EFCAB5: variants seen among roughly 807,000 people sequenced by gnomAD.
EFCAB5 encodes the protein EF-hand calcium-binding domain-containing protein 5.
In EFCAB5, 131 loss-of-function variants were observed where a neutral mutation model predicts 167.9. That is an observed-to-expected ratio of 0.78 (90% CI 0.68 to 0.90). The LOEUF (loss-of-function observed/expected upper bound fraction) is 0.90. Ranked by LOEUF, EFCAB5 falls within the 40% of genes least tolerant of loss-of-function variation. The probability of loss-of-function intolerance (pLI) is 0.00; values close to 1 mark genes in which losing one functional copy is unlikely to be tolerated. For synonymous variants in EFCAB5, 574 were observed against 602.8 expected, an observed-to-expected ratio of 0.95 and a Z score of 0.70; for missense variants, 1,663 against 1,745.2, an observed-to-expected ratio of 0.95 and a Z score of 0.84.
chr17:30,094,507 CAAA>C (rs57885339), intron 22 of EFCAB5, among the ~76,000 whole-genome samples: 4,694 of 40,438 alleles, frequency 0.12, 162 homozygotes, highest in African/African-American at 0.2. Context: ...CTTGTCTCTC[CAAA>C]AAAAAAAAAA....
intron 8 of EFCAB5, among the ~76,000 whole-genome samples, chr17:30,043,977 C>G (rs901855537): frequency 6.6e-6 from 1 of 151,888 alleles, no homozygotes; most frequent in Admixed American, 6.6e-5. Context: ...TTGAAAGATA[C>G]TAGTAAAAGA....
chr17:29,969,236 T>C lies in EFCAB5; in HGVS notation c.636T>C (p.Asn212=). The C allele has an allele frequency of 6.2e-7, 1 of 1,613,822 alleles. No homozygotes were observed. The highest frequency in any genetic ancestry group is 1.1e-5 in the South Asian group (1 of 91,072). The stretch of plus-strand genomic sequence containing the variant: ...CTCCAAGCAAGTTTGACCCAATTAA[T>C]TATTTGGGGGAATATTTAATAAGAA... ...ADTPSKFDPI[N]YLGEYLIRNN... The change falls in exon 4 of 23, where the codon AAT becomes AAC. Residue 212 remains asparagine (N), a synonymous_variant. Transcript: ENST00000394835.
At chr17:30,103,105 T>C (rs2071402598) in intron 22 of EFCAB5, among the ~76,000 whole-genome samples, 1 of 152,004 alleles carries the variant, frequency 6.6e-6, no homozygotes, top group Non-Finnish European at 1.5e-5. Flanking sequence ...GTGTTGAGAT[T>C]ACATGCGTGA....
At chr17:29,950,377 T>C (rs368573593) in intron 3 of EFCAB5, among the ~76,000 whole-genome samples, 14 of 151,756 alleles carry the variant, frequency 9.2e-5, no homozygotes, top group Middle Eastern at 3.4e-3. Flanking sequence ...TCTTTCTTTT[T>C]TAAAAAAATA....
rs1305469412 is a variant in EFCAB5 at position 29,941,701 on chromosome 17, CT to C, written c.-93del. The stretch of plus-strand genomic sequence containing the variant: ...GGGAGCTTTTTTAACTTCTGGAGTA[CT>C]TTGTGATGTTTATTAATATTTTCTT... On this transcript the variant is annotated 5_prime_UTR_variant, in exon 1 of 23. Transcript: ENST00000394835. The C allele has an allele frequency of 1.8e-6, 2 of 1,138,922 alleles. No homozygotes were observed. Among genetic ancestry groups the C allele is most frequent in the Non-Finnish European group, 2.5e-6 (2 of 791,690 alleles). The allele number at this position is 1,138,922 out of a possible 1,614,324, so 70.6% of individuals were successfully genotyped here.
At chr17:29,966,494 G>T (rs144321238) in intron 3 of EFCAB5, among the ~76,000 whole-genome samples, 1 of 152,044 alleles carries the variant, frequency 6.6e-6, no homozygotes, top group Non-Finnish European at 1.5e-5. Flanking sequence ...ACAAAAATTC[G>T]CTGGGCATGG....
chr17:30,003,501 G>A (rs929017066), intron 7 of EFCAB5, among the ~76,000 whole-genome samples: 1 of 151,692 alleles, frequency 6.6e-6, no homozygotes, highest in Non-Finnish European at 1.5e-5. Flanking sequence ...CCGAAGTGCT[G>A]GGATTATAGG....
chr17:30,069,181 A>G (rs1411043661), intron 14 of EFCAB5: 2 of 1,548,022 alleles, frequency 1.3e-6, no homozygotes, highest in East Asian at 2.2e-5. Flanking sequence ...ATCTTCTGAG[A>G]AAGTTTCACA....
rs2071311995 is a variant in EFCAB5, at chr17:30,097,057, TATA to T, written c.4321+4122_4321+4124del. 3.6e-3 allele frequency among the ~76,000 whole-genome samples: 223 copies of T among 61,934 alleles called. 1 individual carries two copies. The highest frequency in any genetic ancestry group is 5.3e-3 in the Non-Finnish European group (187 of 35,486). The allele number at this position is 61,934 out of a possible 152,430, so 40.6% of individuals were successfully genotyped here. ...ATATACATATACATATACATATATATATATTTTTTTTTTTTTGAGATGGAGTTT... is the reference window on the plus strand; with the variant it reads ...ATATACATATACATATACATATATATTTTTTTTTTTTTTGAGATGGAGTTT... On this transcript the variant is annotated intron_variant, in intron 22 of 22. Transcript: ENST00000394835.
At chr17:30,034,081 C>A in intron 7 of EFCAB5, 149 bp from the exon 8 acceptor site, 2 of 895,440 alleles carry the variant, frequency 2.2e-6, no homozygotes, top group Non-Finnish European at 3.3e-6. Flanking sequence ...CAGCAGCTAG[C>A]ATGAAAATGC....
At chr17:29,963,023 C>T (rs983199642) in intron 3 of EFCAB5, among the ~76,000 whole-genome samples, 9 of 152,112 alleles carry the variant, frequency 5.9e-5, no homozygotes, top group East Asian at 3.8e-4. Flanking sequence ...CTCACTGAAG[C>T]CTCAAACTCC....
intron 3 of EFCAB5, among the ~76,000 whole-genome samples, chr17:29,951,824 A>T (rs2067518989): frequency 6.6e-6 from 1 of 152,182 alleles, no homozygotes; most frequent in South Asian, 2.1e-4. Context: ...TGGGACCCTG[A>T]GAAGCATAGT....
At chr17:29,953,023 G>A (rs935719266) in intron 3 of EFCAB5, among the ~76,000 whole-genome samples, 10 of 152,052 alleles carry the variant, frequency 6.6e-5, no homozygotes, top group African/African-American at 1.5e-4. Context: ...TAAAAATAGC[G>A]AGTTTACCTG....
chr17:30,052,276 C>T (rs1323077202), intron 9 of EFCAB5, among the ~76,000 whole-genome samples: 1 of 152,190 alleles, frequency 6.6e-6, no homozygotes, highest in East Asian at 1.9e-4. Flanking sequence ...GCGATTCCCC[C>T]TGCCTCATCC....
intron 8 of EFCAB5, among the ~76,000 whole-genome samples, chr17:30,036,707 G>A (rs1046973685): frequency 1.3e-5 from 2 of 152,214 alleles, no homozygotes; most frequent in East Asian, 1.9e-4. Flanking sequence ...GATTACAGGC[G>A]TGAGCCACCA....
intron 3 of EFCAB5, among the ~76,000 whole-genome samples, chr17:29,945,647 A>T (rs1340559278): frequency 2.0e-5 from 3 of 152,220 alleles, no homozygotes; most frequent in Admixed American, 6.5e-5. Flanking sequence ...CTGGTATAAA[A>T]GTAGACACAC....
chr17:30,024,636 C>T lies in EFCAB5; in HGVS notation c.1045-9594C>T, dbSNP rs886325790. 1.3e-4 allele frequency among the ~76,000 whole-genome samples: 20 copies of T among 151,882 alleles called. No homozygotes were observed. In the East Asian group the frequency reaches 2.9e-3, roughly 22 times the overall value. On this transcript the variant is annotated intron_variant, in intron 7 of 22. Transcript: ENST00000394835. Reference sequence around the variant, plus strand: ...AGGTAATTTATAGATTCAATGCCATCCCCATCAAGCTACCAATGACTTTCT... The same window carrying T: ...AGGTAATTTATAGATTCAATGCCATTCCCATCAAGCTACCAATGACTTTCT...
At chr17:30,065,548 C>G (rs1355689257) in intron 14 of EFCAB5, 1 of 152,152 alleles carries the variant, frequency 6.6e-6, no homozygotes, top group Admixed American at 6.5e-5. Flanking sequence ...GTAGTCCCAG[C>G]TACTCAGGAG....
rs752412831 is a variant in EFCAB5 at position 30,078,276 on chromosome 17, A to C, written c.2799A>C (p.Lys933Asn). 6.2e-7 allele frequency: 1 copy of C among 1,613,964 alleles called. No homozygotes were observed. Among genetic ancestry groups the C allele is most frequent in the Non-Finnish European group, 8.5e-7 (1 of 1,179,866 alleles). The part of the protein sequence containing the change: ...HPGHEVRLSS[K>N]QFQNYIELVV... ...GTCACGAAGTGAGATTGTCTTCAAA[A>C]CAATTTCAGAATTACATAGAATTGG... The change falls in exon 15 of 23, where the codon AAA (lysine) becomes AAC (asparagine). Residue 933 changes from lysine (K) to asparagine (N), a missense_variant. Lys to Asn is a moderately conservative substitution (Grantham distance 94). Coordinates refer to ENST00000394835, the MANE Select transcript of EFCAB5 (RefSeq NM_198529.4).
Sources: allele counts gnomAD v4.1 joint callset (sites outside exome capture counted in the v4.1 genomes callset), GRCh38; gene constraint gnomAD v4.1.1; transcripts MANE v1.5; gene names NCBI Gene and HGNC (gene_info 2026-07-23, HGNC 2026-07-21).